Variants in RBPMS observed in about 807,000 individuals in gnomAD.
The protein encoded by RBPMS is RNA binding protein, mRNA processing factor, also known as RNA-binding protein with multiple splicing.
In RBPMS, 7 loss-of-function variants were observed where a neutral mutation model predicts 26.8. The observed-to-expected ratio is 0.26, with a 90% CI of 0.15 to 0.49. The LOEUF (loss-of-function observed/expected upper bound fraction) is 0.49. Ranked by LOEUF, RBPMS falls within the 20% of genes least tolerant of loss-of-function variation. The pLI, the probability that RBPMS is intolerant of heterozygous loss-of-function variation, is 0.98. For synonymous variants in RBPMS, 96 were observed against 93.3 expected, an observed-to-expected ratio of 1.03 and a Z score of -0.17; for missense variants, 186 against 250.0, an observed-to-expected ratio of 0.74 and a Z score of 1.73.
At chr8:30,546,462 C>G (rs1419230565) in intron 6 of RBPMS, among the ~76,000 whole-genome samples, 1 of 152,124 alleles carries the variant, frequency 6.6e-6, no homozygotes, top group African/African-American at 2.4e-5. Context: ...AGAGAAGGGC[C>G]TAAAGAGTCT....
chr8:30,409,870 A>T (rs1809102296), intron 1 of RBPMS, among the ~76,000 whole-genome samples: 1 of 151,912 alleles, frequency 6.6e-6, no homozygotes, highest in Admixed American at 6.6e-5. Context: ...TGACCTTGTG[A>T]TCTGCCCACC....
Position 30,547,168 on chromosome 8 carries a change from A to G in RBPMS, c.528+2544A>G, listed in dbSNP as rs929164730. 23 of 712,068 alleles carry G rather than the reference A, an allele frequency of 3.2e-5. 1 individual carries two copies. The highest frequency in any genetic ancestry group is 5.5e-5 in the Non-Finnish European group (23 of 417,232). The allele number at this position is 712,068 out of a possible 1,614,324, so 44.1% of individuals were successfully genotyped here. A position where few individuals can be genotyped will look rare whatever the true frequency, so the allele number is the denominator to read the frequency against. On this transcript the variant is annotated intron_variant, in intron 6 of 8. Transcript: ENST00000397323. ...TGGAGCCTCTACGGGGCATCTCCCC[A>G]TATTGGAGAATTCAGTCTTTGTTTT...
At chr8:30,532,550 T>C (rs1824340787) in intron 5 of RBPMS, among the ~76,000 whole-genome samples, 1 of 152,212 alleles carries the variant, frequency 6.6e-6, no homozygotes, top group Non-Finnish European at 1.5e-5. Flanking sequence ...TTATCCAATG[T>C]TGCACAGCTG....
intron 1 of RBPMS, among the ~76,000 whole-genome samples, chr8:30,445,849 A>T (rs938544144): frequency 6.6e-6 from 1 of 151,692 alleles, no homozygotes; most frequent in East Asian, 1.9e-4. Context: ...TTTTTTGTAG[A>T]GATGGGGTTT....
chr8:30,556,886 C>T (rs1826976346), intron 6 of RBPMS: 1 of 455,726 alleles, frequency 2.2e-6, no homozygotes. Context: ...CTACCTCACC[C>T]CCATCTTCCC....
chr8:30,481,608 A>G (rs1440735129), intron 4 of RBPMS, among the ~76,000 whole-genome samples: 2 of 151,436 alleles, frequency 1.3e-5, no homozygotes, highest in Non-Finnish European at 2.9e-5. Flanking sequence ...AATCATTAAT[A>G]GTTTGCTACT....
rs75180403 is a variant in RBPMS at position 30,464,902 on chromosome 8, C to T, written c.67-9877C>T. 8.3e-3 allele frequency among the ~76,000 whole-genome samples: 1,263 copies of T among 152,212 alleles called. 13 individuals carry two copies. Among genetic ancestry groups the T allele is most frequent in the African/African-American group, 0.029 (1,195 of 41,524 alleles). ...GGTACTTAGGGTGAAACCGTAAGGGCATGTACACCTTAGGGCATTAGAATG... is the reference window on the plus strand; with the variant it reads ...GGTACTTAGGGTGAAACCGTAAGGGTATGTACACCTTAGGGCATTAGAATG... On this transcript the variant is annotated intron_variant, in intron 1 of 8. Coordinates refer to ENST00000397323, the MANE Select transcript of RBPMS (RefSeq NM_001008710.3).
At chr8:30,568,515 G>A (rs2151098096) in intron 8 of RBPMS, among the ~76,000 whole-genome samples, 1 of 152,322 alleles carries the variant, frequency 6.6e-6, no homozygotes, top group South Asian at 2.1e-4. Context: ...TTCCTTAAGA[G>A]ACCAAGAGAC....
At chr8:30,452,755 C>G (rs1400718719) in intron 1 of RBPMS, among the ~76,000 whole-genome samples, 1 of 152,144 alleles carries the variant, frequency 6.6e-6, no homozygotes, top group African/African-American at 2.4e-5. Flanking sequence ...AGCTTTAGCT[C>G]AAAACCATTT....
intron 5 of RBPMS, among the ~76,000 whole-genome samples, chr8:30,508,870 A>T (rs1821313146): frequency 6.6e-6 from 1 of 152,196 alleles, no homozygotes; most frequent in Non-Finnish European, 1.5e-5. Context: ...TCTTTGCAAT[A>T]TACCTTATTA....
At chr8:30,475,280 A>G (rs528949671) in intron 2 of RBPMS, among the ~76,000 whole-genome samples, 6 of 152,242 alleles carry the variant, frequency 3.9e-5, no homozygotes, top group Non-Finnish European at 8.8e-5. Context: ...GAAATATTTA[A>G]TGCAGTTACC....
At chr8:30,393,582 G>A (rs1443337953) in intron 1 of RBPMS, among the ~76,000 whole-genome samples, 2 of 151,794 alleles carry the variant, frequency 1.3e-5, no homozygotes, top group Non-Finnish European at 2.9e-5. Context: ...GAGTGCAGTG[G>A]CGCCATCTCA....
chr8:30,563,118 C>G (rs1479421841), intron 7 of RBPMS, among the ~76,000 whole-genome samples: 32 of 152,180 alleles, frequency 2.1e-4, no homozygotes, highest in Admixed American at 2.1e-3. Flanking sequence ...GAGAGCCAAG[C>G]TGAGGGCATG....
intron 5 of RBPMS, among the ~76,000 whole-genome samples, chr8:30,521,090 A>C (rs1822974633): frequency 6.6e-6 from 1 of 152,250 alleles, no homozygotes; most frequent in Non-Finnish European, 1.5e-5. Context: ...TAGATGCTTT[A>C]AAATAAGCAG....
intron 5 of RBPMS, among the ~76,000 whole-genome samples, chr8:30,524,706 A>G (rs562437640): frequency 6.6e-6 from 1 of 152,332 alleles, no homozygotes; most frequent in Non-Finnish European, 1.5e-5. Context: ...TTCTTCTCTC[A>G]TACTGATTCT....
intron 1 of RBPMS, among the ~76,000 whole-genome samples, chr8:30,422,455 A>G (rs1810903244): frequency 6.6e-6 from 1 of 152,016 alleles, no homozygotes; most frequent in Non-Finnish European, 1.5e-5. Flanking sequence ...TTTCTTAGTA[A>G]TAGAGGTCTT....
At chr8:30,455,821 C>T (rs1300767192) in intron 1 of RBPMS, among the ~76,000 whole-genome samples, 1 of 152,050 alleles carries the variant, frequency 6.6e-6, no homozygotes, top group Admixed American at 6.6e-5. Context: ...ACACAGGAGG[C>T]GGAGCTTGCA....
chr8:30,480,696 G>A (rs889948134), intron 4 of RBPMS, among the ~76,000 whole-genome samples: 10 of 152,060 alleles, frequency 6.6e-5, no homozygotes, highest in African/African-American at 1.4e-4. Context: ...ACCGAAGCAC[G>A]GTGTATAATT....
At chr8:30,521,910 G>A (rs1358813686) in intron 5 of RBPMS, among the ~76,000 whole-genome samples, 2 of 152,130 alleles carry the variant, frequency 1.3e-5, no homozygotes, top group Non-Finnish European at 2.9e-5. Context: ...AGATAGAATG[G>A]GGGGATTGGA....
Sources: gnomAD v4.1 joint callset for allele counts (sites outside exome capture counted in the v4.1 genomes callset) on GRCh38, gnomAD v4.1.1 for gene constraint, MANE v1.5 for transcripts, NCBI Gene and HGNC (gene_info 2026-07-23, HGNC 2026-07-21) for gene names.